AGPAT1: variants seen among roughly 807,000 people sequenced by gnomAD.
The protein encoded by AGPAT1 is 1-acylglycerol-3-phosphate O-acyltransferase 1.
In AGPAT1, 6 loss-of-function variants were observed where a neutral mutation model predicts 31.2. The ratio of observed to expected loss-of-function variants is 0.19; its 90% CI spans 0.11 to 0.38. AGPAT1 has a LOEUF of 0.38. Ranked by LOEUF, AGPAT1 falls within the 10% of genes least tolerant of loss-of-function variation. The probability of loss-of-function intolerance (pLI) is 1.00; values close to 1 mark genes in which losing one functional copy is unlikely to be tolerated. For missense variants in AGPAT1, 187 were observed against 377.8 expected, an observed-to-expected ratio of 0.49 and a Z score of 4.19; for synonymous variants, 139 against 154.0, an observed-to-expected ratio of 0.90 and a Z score of 0.72.
chr6:32,170,521 G>T lies in AGPAT1; in HGVS notation c.414C>A (p.Ala138=). ...ELLWAGSAGL[A]CWLAGVIFID... is the part of the protein sequence containing the mutation. ...TGAAGATGACTCCTGCCAGCCAGCAGGCCAGCCCGGCAGAGCCAGCCCACA... is the reference window on the plus strand; with the variant it reads ...TGAAGATGACTCCTGCCAGCCAGCATGCCAGCCCGGCAGAGCCAGCCCACA... Residue 138 remains alanine, a synonymous_variant, in exon 4 of 7, where the codon GCC becomes GCA. Transcript: ENST00000375107. This position sits in a 1 kb window ranked among gnomAD's most constrained non-coding sequence, Gnocchi z 7.7. 1 of 1,613,034 alleles carries T rather than the reference G, an allele frequency of 6.2e-7. No individual in the cohort carries two copies. Among genetic ancestry groups the T allele is most frequent in the South Asian group, 1.1e-5 (1 of 91,088 alleles).
chr6:32,177,952 AG>A, upstream of AGPAT1: 1 of 152,512 alleles, frequency 6.6e-6, no homozygotes, highest in Non-Finnish European at 1.5e-5. Flanking sequence ...AAACCCTCAC[AG>A]GATTGGCCCA....
rs1785283555 is a variant in AGPAT1, at chr6:32,173,573, A to T, written c.-9-2068T>A. Among the ~76,000 whole-genome samples, 1 of 152,184 alleles carries T rather than the reference A, an allele frequency of 6.6e-6. No homozygotes were observed. Among genetic ancestry groups the T allele is most frequent in the Non-Finnish European group, 1.5e-5 (1 of 68,044 alleles). ...CCTAAAGGCTCTTCTTGATAAGTTG[A>T]CTTCTGCTTACATCTTCGACCACAT... On this transcript the variant is annotated intron_variant, in intron 1 of 6. Transcript: ENST00000375107. This position sits in a 1 kb window ranked among gnomAD's most constrained non-coding sequence, Gnocchi z 4.7.
Position 32,172,464 on chromosome 6 carries a change from C to A in AGPAT1, c.-9-959G>T, listed in dbSNP as rs1785186855. 1.3e-5 allele frequency among the ~76,000 whole-genome samples: 2 copies of A among 152,232 alleles called. No homozygotes were observed. The highest frequency in any genetic ancestry group is 4.1e-4 in the South Asian group (2 of 4,830). On this transcript the variant is annotated intron_variant, in intron 1 of 6. Coordinates refer to ENST00000375107, the MANE Select transcript of AGPAT1 (RefSeq NM_006411.4). This position sits in a 1 kb window ranked among gnomAD's most constrained non-coding sequence, Gnocchi z 4.3. ...TGCATTATATTTCTGTAGAACAGTA[C>A]TGGTCTATACATTAAGTTAAACTCT...
upstream of AGPAT1, chr6:32,178,069 A>G (rs1785741435): frequency 6.5e-6 from 1 of 153,624 alleles, no homozygotes. Context: ...AAAGTCCAAT[A>G]GCAATCCGGA....
chr6:32,177,164 T>A (rs1785639903), upstream of AGPAT1: 1 of 398,428 alleles, frequency 2.5e-6, no homozygotes, highest in Admixed American at 4.4e-5. Context: ...GTCCCCCCTC[T>A]AGCCACACCT....
In AGPAT1 at chr6:32,169,405, C is replaced by G. The variant is rs1201761913; in HGVS notation, c.723G>C (p.Gly241=). The G allele has an allele frequency of 6.8e-6, 11 of 1,612,658 alleles. No homozygotes were observed. The highest frequency in any genetic ancestry group is 9.3e-6 in the Non-Finnish European group (11 of 1,179,986). The part of the protein sequence containing the change: ...VRVLPPVPTE[G]LTPDDVPALA... ...GAGCTGGGACGTCATCTGGTGTCAG[C>G]CCTTCCGTGGGCACTGGGGGCAGCA... Residue 241 remains glycine, a synonymous_variant, in exon 7 of 7, where the codon GGG becomes GGC. Transcript: ENST00000375107. This position sits in a 1 kb window ranked among gnomAD's most constrained non-coding sequence, Gnocchi z 5.9.
upstream of AGPAT1, chr6:32,176,566 C>T (rs1785582809): frequency 3.1e-6 from 3 of 981,166 alleles, no homozygotes; most frequent in Non-Finnish European, 2.4e-6. Context: ...CTCCATCTCA[C>T]TCCATCTCAC....
rs781165370 is a variant in AGPAT1, at chr6:32,172,312, C to CA, written c.-9-808dup. 0.032 allele frequency among the ~76,000 whole-genome samples: 3,563 copies of CA among 110,398 alleles called. 45 individuals carry two copies. The highest frequency in any genetic ancestry group is 0.047 in the African/African-American group (1,368 of 29,242). The allele number at this position is 110,398 out of a possible 152,430, so 72.4% of individuals were successfully genotyped here. On this transcript the variant is annotated intron_variant, in intron 1 of 6. Transcript: ENST00000375107. This position sits in a 1 kb window ranked among gnomAD's most constrained non-coding sequence, Gnocchi z 4.3. ...GGGCAATGGAGTGAGACTCCATTTC[C>CA]AAAAAAAAAAAAAGAAATTATAATC...
At position 32,171,449 on chromosome 6, in the gene AGPAT1, C is replaced by G; in HGVS notation, c.48G>C (p.Leu16=). The change falls in exon 2 of 7, where the codon CTG becomes CTC. Residue 16 remains leucine, a synonymous_variant. Coordinates refer to ENST00000375107, the MANE Select transcript of AGPAT1 (RefSeq NM_006411.4). This position sits in a 1 kb window ranked among gnomAD's most constrained non-coding sequence, Gnocchi z 6.9. ...GAWMLLLLLF[L]LLLFLLPTLW... ...GGGTGGGCAGCAGGAAGAGCAGCAG[C>G]AGGAAGAGCAGCAGCAGCAGCATCC... The G allele has an allele frequency of 6.2e-7, 1 of 1,611,958 alleles. No individual in the cohort carries two copies. The highest frequency in any genetic ancestry group is 8.5e-7 in the Non-Finnish European group (1 of 1,179,622).
Position 32,169,076 on chromosome 6 carries a change from A to G in AGPAT1, c.*200T>C, listed in dbSNP as rs1437480213. 2.5e-5 allele frequency: 15 copies of G among 611,990 alleles called. No individual in the cohort carries two copies. Among genetic ancestry groups the G allele is most frequent in the Non-Finnish European group, 4.0e-5 (14 of 352,002 alleles). 37.9% of individuals were successfully genotyped at this position (611,990 alleles called of 1,614,324 possible). On this transcript the variant is annotated 3_prime_UTR_variant, in exon 7 of 7. Transcript: ENST00000375107. The surrounding 1 kb of genome is among the most constrained non-coding windows in gnomAD (Gnocchi z 5.9). ...CAAGAGTGGAGACTGCACCGAGGCA[A>G]GAGTCCATGGATGGGGCCAAGAGGG...
Position 32,171,927 on chromosome 6 carries a change from G to T in AGPAT1, c.-9-422C>A. The T allele has an allele frequency of 4.5e-6, 1 of 221,412 alleles. No individual in the cohort carries two copies. Among genetic ancestry groups the T allele is most frequent in the Non-Finnish European group, 9.0e-6 (1 of 111,046 alleles). 13.7% of individuals were successfully genotyped at this position (221,412 alleles called of 1,614,324 possible). ...AGCTAGTCTGAACTGAGATGTGCTGGAAATGTAAAATACACATCAGATTTC... is the reference window on the plus strand; with the variant it reads ...AGCTAGTCTGAACTGAGATGTGCTGTAAATGTAAAATACACATCAGATTTC... On this transcript the variant is annotated intron_variant, in intron 1 of 6. Transcript: ENST00000375107. The surrounding 1 kb of genome is among the most constrained non-coding windows in gnomAD (Gnocchi z 6.9).
chr6:32,169,864 G>T lies in AGPAT1; in HGVS notation c.679+102C>A. 9.4e-7 allele frequency: 1 copy of T among 1,067,182 alleles called. No homozygotes were observed. Among genetic ancestry groups the T allele is most frequent in the South Asian group, 1.4e-5 (1 of 71,432 alleles). 66.1% of individuals were successfully genotyped at this position (1,067,182 alleles called of 1,614,324 possible). Reference sequence around the variant, plus strand: ...TGGGGTTAGACTAGATGACTGTGTAGACATCTCATGGCTCTGACACTGAAT... The same window carrying T: ...TGGGGTTAGACTAGATGACTGTGTATACATCTCATGGCTCTGACACTGAAT... On this transcript the variant is annotated intron_variant, in intron 6 of 6. Transcript: ENST00000375107. The surrounding 1 kb of genome is among the most constrained non-coding windows in gnomAD (Gnocchi z 5.9).
rs1241446248 is a variant in AGPAT1 at position 32,173,804 on chromosome 6, C to G, written c.-10+2010G>C. On this transcript the variant is annotated intron_variant, in intron 1 of 6. Transcript: ENST00000375107. This position sits in a 1 kb window ranked among gnomAD's most constrained non-coding sequence, Gnocchi z 4.7. ...GCTTTCCTTACACTTTTATCTTGAT[C>G]AGCGGGTCTCGAAGTATAGAAATGC... Among the ~76,000 whole-genome samples the G allele has an allele frequency of 6.6e-6, 1 of 152,192 alleles. No homozygotes were observed. The highest frequency in any genetic ancestry group is 2.4e-5 in the African/African-American group (1 of 41,458).
chr6:32,171,004 A>G lies in AGPAT1; in HGVS notation c.267T>C (p.Ala89=). Reference sequence around the variant, plus strand: ...AGGGCTGCGAGGGAGGGAAGTGGTGAGCCCCTCGCACCTCCACTCGGATCC... The same window carrying G: ...AGGGCTGCGAGGGAGGGAAGTGGTGGGCCCCTCGCACCTCCACTCGGATCC... The part of the protein sequence containing the change: ...LYGIRVEVRG[A]HHFPPSQPYV... The change falls in exon 3 of 7, where the codon GCT becomes GCC. Residue 89 remains alanine, a synonymous_variant. Coordinates refer to ENST00000375107, the MANE Select transcript of AGPAT1 (RefSeq NM_006411.4). This position sits in a 1 kb window ranked among gnomAD's most constrained non-coding sequence, Gnocchi z 6.9. 3 of 1,612,646 alleles carry G rather than the reference A, an allele frequency of 1.9e-6. No individual in the cohort carries two copies. The highest frequency in any genetic ancestry group is 2.5e-6 in the Non-Finnish European group (3 of 1,179,918).
Position 32,174,020 on chromosome 6 carries a change from G to A in AGPAT1, c.-10+1794C>T, listed in dbSNP as rs1785319021. 6.6e-6 allele frequency among the ~76,000 whole-genome samples: 1 copy of A among 152,162 alleles called. No individual in the cohort carries two copies. Among genetic ancestry groups the A allele is most frequent in the Non-Finnish European group, 1.5e-5 (1 of 68,018 alleles). On this transcript the variant is annotated intron_variant, in intron 1 of 6. Coordinates refer to ENST00000375107, the MANE Select transcript of AGPAT1 (RefSeq NM_006411.4). The surrounding 1 kb of genome is among the most constrained non-coding windows in gnomAD (Gnocchi z 4.5). ...AGCCATCGTGGCTGGCTAGCAATCTGTATTTCAACAAGCCCTCTGGTGAGT... is the reference window on the plus strand; with the variant it reads ...AGCCATCGTGGCTGGCTAGCAATCTATATTTCAACAAGCCCTCTGGTGAGT...
At chr6:32,176,230 C>T, upstream of AGPAT1, 1 of 859,010 alleles carries the variant, frequency 1.2e-6, no homozygotes, top group Non-Finnish European at 1.4e-6. Flanking sequence ...TCTTGCGAGC[C>T]CCGCCCCAGG....
At position 32,170,807 on chromosome 6, in the gene AGPAT1, C is replaced by G; in HGVS notation, c.334+130G>C. 2 of 1,327,844 alleles carry G rather than the reference C, an allele frequency of 1.5e-6. No individual in the cohort carries two copies. The highest frequency in any genetic ancestry group is 2.6e-5 in the South Asian group (2 of 77,208). The allele number at this position is 1,327,844 out of a possible 1,614,324, so 82.3% of individuals were successfully genotyped here. On this transcript the variant is annotated intron_variant, in intron 3 of 6. Transcript: ENST00000375107. The surrounding 1 kb of genome is among the most constrained non-coding windows in gnomAD (Gnocchi z 7.7). ...GCAGTTCTACCCAGGGAATGAAGGCCTGAGTGGGAGGCAAGGGGGCAATGT... is the reference window on the plus strand; with the variant it reads ...GCAGTTCTACCCAGGGAATGAAGGCGTGAGTGGGAGGCAAGGGGGCAATGT...
chr6:32,178,010 A>AT (rs1449396104), upstream of AGPAT1: 6 of 150,020 alleles, frequency 4.0e-5, no homozygotes, highest in Non-Finnish European at 7.4e-5. Context: ...CCTAACCACC[A>AT]TTTTCCGTCA....
In AGPAT1 at chr6:32,170,659, A is replaced by G. The variant is rs1785008317; in HGVS notation, c.335-59T>C. 1 of 1,563,108 alleles carries G rather than the reference A, an allele frequency of 6.4e-7. No individual in the cohort carries two copies. Among genetic ancestry groups the G allele is most frequent in the African/African-American group, 1.3e-5 (1 of 74,254 alleles). ...TGGAGGCAGAGTGTCACAGAAGGCA[A>G]CCCACCTCACCCAGCTCATCACCCT... is the stretch of plus-strand genomic sequence containing the variant. On this transcript the variant is annotated intron_variant, in intron 3 of 6. Coordinates refer to ENST00000375107, the MANE Select transcript of AGPAT1 (RefSeq NM_006411.4). This position sits in a 1 kb window ranked among gnomAD's most constrained non-coding sequence, Gnocchi z 7.7.
Sources: gnomAD v4.1 joint callset for allele counts (sites outside exome capture counted in the v4.1 genomes callset) on GRCh38, gnomAD v4.1.1 for gene constraint, Gnocchi (gnomAD v3.1) non-coding constraint, MANE v1.5 for transcripts, NCBI Gene and HGNC (gene_info 2026-07-23, HGNC 2026-07-21) for gene names.